CNTNAP3: variants seen among roughly 807,000 people sequenced by gnomAD.
CNTNAP3 encodes contactin-associated protein-like 3.
In CNTNAP3, 36 loss-of-function variants were observed where a neutral mutation model predicts 92.1. The observed-to-expected ratio is 0.39, with a 90% CI of 0.30 to 0.52. CNTNAP3 has a LOEUF of 0.52. CNTNAP3 is among the 20% of genes least tolerant of loss of function. The probability of loss-of-function intolerance (pLI) is 0.76; values close to 1 mark genes in which losing one functional copy is unlikely to be tolerated. For missense variants in CNTNAP3, 534 were observed against 1,069.6 expected (o/e 0.50, Z 6.98); for synonymous variants, 232 against 422.3 (o/e 0.55, Z 5.53).
At chr9:39,120,091 T>C (rs992182760) in intron 13 of CNTNAP3, among the ~76,000 whole-genome samples, 4 of 152,132 alleles carry the variant, frequency 2.6e-5, no homozygotes, top group African/African-American at 9.7e-5. Context: ...CCCAGAGATT[T>C]AGGAAGTAAA....
intron 13 of CNTNAP3, among the ~76,000 whole-genome samples, chr9:39,129,755 G>A (rs1821231757): frequency 6.6e-6 from 1 of 152,080 alleles, no homozygotes; most frequent in South Asian, 2.1e-4. Context: ...CTAGTATCTA[G>A]AATGTATAAA....
chr9:39,076,912 G>A (rs1347384859), intron 23 of CNTNAP3, among the ~76,000 whole-genome samples: 1 of 152,294 alleles, frequency 6.6e-6, no homozygotes, highest in African/African-American at 2.4e-5. Flanking sequence ...AGCCAAGATG[G>A]CGCCACTGCA....
rs555631624 is a variant in CNTNAP3, at chr9:39,102,414, C to T, written c.2755+83G>A. 1.6e-4 allele frequency: 245 copies of T among 1,562,888 alleles called. 1 individual carries two copies. The highest frequency in any genetic ancestry group is 2.0e-4 in the Non-Finnish European group (232 of 1,151,602). On this transcript the variant is annotated intron_variant, in intron 17 of 23. Coordinates refer to ENST00000297668, the MANE Select transcript of CNTNAP3 (RefSeq NM_033655.5). ...CAGTAGTTGTTGTTGGCAACTGTTG[C>T]TCTCAGTACATCACAGTTCTTATTT...
chr9:39,087,653 A>T (rs2118424634), intron 19 of CNTNAP3, among the ~76,000 whole-genome samples: 1 of 152,046 alleles, frequency 6.6e-6, no homozygotes, highest in East Asian at 1.9e-4. Flanking sequence ...TGCCCGGCTC[A>T]TTTTTTGTAT....
chr9:39,082,336 T>A (rs1380878566), intron 21 of CNTNAP3, among the ~76,000 whole-genome samples: 1 of 151,786 alleles, frequency 6.6e-6, no homozygotes, highest in African/African-American at 2.4e-5. Flanking sequence ...CACTGAATCC[T>A]GGTTAATGGA....
chr9:39,168,532 G>GA (rs1268858632), intron 8 of CNTNAP3, among the ~76,000 whole-genome samples: 2 of 64,022 alleles, frequency 3.1e-5, no homozygotes, highest in African/African-American at 1.2e-4. Context: ...ATAAACTAAT[G>GA]AGTTAAACAA....
chr9:39,122,526 T>G (rs1821053958), intron 13 of CNTNAP3, among the ~76,000 whole-genome samples: 1 of 152,188 alleles, frequency 6.6e-6, no homozygotes, highest in African/African-American at 2.4e-5. Flanking sequence ...CTGGGAAAAC[T>G]CAAAACGGAA....
intron 14 of CNTNAP3, among the ~76,000 whole-genome samples, chr9:39,113,060 T>G (rs1023241923): frequency 6.6e-6 from 1 of 151,802 alleles, no homozygotes; most frequent in Non-Finnish European, 1.5e-5. Context: ...TTGGGCTAAT[T>G]TTTTTTTGTT....
intron 13 of CNTNAP3, among the ~76,000 whole-genome samples, chr9:39,130,229 T>C (rs1312721040): frequency 6.6e-6 from 1 of 152,058 alleles, no homozygotes; most frequent in African/African-American, 2.4e-5. Context: ...CCCCAAACTG[T>C]AAACAAACAA....
intron 21 of CNTNAP3, among the ~76,000 whole-genome samples, chr9:39,081,582 G>A (rs913153997): frequency 6.6e-6 from 1 of 150,878 alleles, no homozygotes; most frequent in African/African-American, 2.4e-5. Context: ...TACAGAATTT[G>A]AAATACTGGC....
At chr9:39,095,390 C>T (rs1409877112) in intron 18 of CNTNAP3, among the ~76,000 whole-genome samples, 1 of 151,494 alleles carries the variant, frequency 6.6e-6, no homozygotes, top group Non-Finnish European at 1.5e-5. Context: ...ACTGGGCATA[C>T]TTGTCGTGTT....
intron 9 of CNTNAP3, among the ~76,000 whole-genome samples, chr9:39,161,657 AAT>A (rs1822074549): frequency 2.1e-5 from 1 of 46,618 alleles, no homozygotes; most frequent in Admixed American, 2.0e-4. Flanking sequence ...CTCTACAAAC[AAT>A]AATAATAATA....
intron 12 of CNTNAP3, among the ~76,000 whole-genome samples, chr9:39,138,485 C>A (rs1457022406): frequency 6.6e-6 from 1 of 152,214 alleles, no homozygotes; most frequent in Admixed American, 6.5e-5. Context: ...AACAAGAAAA[C>A]AAAACACCAG....
chr9:39,103,984 C>T, intron 15 of CNTNAP3, 70 bp from the exon 16 acceptor site: 1 of 1,500,554 alleles, frequency 6.7e-7, no homozygotes, highest in South Asian at 1.4e-5. Context: ...ACATTTGATA[C>T]TTACAGGATT....
chr9:39,073,648 T>C lies in CNTNAP3; in HGVS notation c.*242A>G, dbSNP rs1825678228. Reference sequence around the variant, plus strand: ...TGAATGGCCATACCTAATTCATTGTTTGGAAATTGATGTGGAGGACTGTGT... The same window carrying C: ...TGAATGGCCATACCTAATTCATTGTCTGGAAATTGATGTGGAGGACTGTGT... On this transcript the variant is annotated 3_prime_UTR_variant, in exon 24 of 24. Transcript: ENST00000297668. 2.7e-6 allele frequency: 2 copies of C among 737,956 alleles called. No homozygotes were observed. Among genetic ancestry groups the C allele is most frequent in the East Asian group, 5.0e-5 (2 of 39,636 alleles). 45.7% of individuals were successfully genotyped at this position (737,956 alleles called of 1,614,324 possible).
chr9:39,110,740 A>T (rs1015285410), intron 14 of CNTNAP3, among the ~76,000 whole-genome samples: 6 of 152,202 alleles, frequency 3.9e-5, no homozygotes, highest in Non-Finnish European at 8.8e-5. Flanking sequence ...TATATGTAAT[A>T]AATATTTGGC....
chr9:39,097,585 C>T (rs905865450), intron 18 of CNTNAP3, among the ~76,000 whole-genome samples: 12 of 151,962 alleles, frequency 7.9e-5, no homozygotes, highest in East Asian at 1.9e-4. Context: ...GCTGTTTCTG[C>T]GTGGACAGAG....
chr9:39,077,105 T>C (rs921520515), intron 23 of CNTNAP3, among the ~76,000 whole-genome samples: 1 of 152,242 alleles, frequency 6.6e-6, no homozygotes, highest in African/African-American at 2.4e-5. Context: ...TTCACTTTTC[T>C]TCAATTAAAA....
chr9:39,089,639 A>C (rs554486379), intron 18 of CNTNAP3, among the ~76,000 whole-genome samples: 2 of 152,302 alleles, frequency 1.3e-5, no homozygotes, highest in East Asian at 3.9e-4. Flanking sequence ...AGGAGCTGCC[A>C]TATTTTTTCC....
Sources: gnomAD v4.1 joint callset for allele counts (sites outside exome capture counted in the v4.1 genomes callset) on GRCh38, gnomAD v4.1.1 for gene constraint, MANE v1.5 for transcripts, NCBI Gene and HGNC (gene_info 2026-07-23, HGNC 2026-07-21) for gene names.